The following SYNPO2 variants were observed in gnomAD, a reference collection of about 807,000 sequenced individuals.
SYNPO2 encodes synaptopodin-2.
SYNPO2 carries 56 observed loss-of-function variants against 85.0 expected under a neutral mutation model. The observed-to-expected ratio is 0.66, with a 90% CI of 0.53 to 0.82. The LOEUF (loss-of-function observed/expected upper bound fraction) is 0.82. SYNPO2 is among the 40% of genes least tolerant of loss of function. The pLI is 0.00. For missense variants in SYNPO2, 1,575 were observed against 1,534.2 expected (o/e 1.03, Z -0.44); for synonymous variants, 602 against 591.1 (o/e 1.02, Z -0.27).
chr4:119,053,416 G>A (rs543930686), intron 4 of SYNPO2, among the ~76,000 whole-genome samples: 10 of 152,186 alleles, frequency 6.6e-5, no homozygotes, highest in Non-Finnish European at 1.5e-4. Context: ...TTGAAAGAAT[G>A]TGAAGGCATG....
intron 1 of SYNPO2, among the ~76,000 whole-genome samples, chr4:118,870,151 T>G (rs1048928650): frequency 6.6e-6 from 1 of 152,218 alleles, no homozygotes; most frequent in Non-Finnish European, 1.5e-5. Context: ...CTCTGCCTGC[T>G]CAGTGCCTGT....
At chr4:119,022,719 A>G (rs1384947059) in intron 1 of SYNPO2, among the ~76,000 whole-genome samples, 1 of 97,738 alleles carries the variant, frequency 1.0e-5, no homozygotes, top group African/African-American at 3.4e-5. Flanking sequence ...ATTTTATTTT[A>G]TTTTAATTTT....
chr4:118,984,043 C>T (rs565025652), intron 1 of SYNPO2, among the ~76,000 whole-genome samples: 3 of 152,298 alleles, frequency 2.0e-5, no homozygotes, highest in South Asian at 2.1e-4. Flanking sequence ...CTTCTACATG[C>T]GTTGAGAGTA....
chr4:118,968,640 A>G (rs1735405669), intron 1 of SYNPO2, among the ~76,000 whole-genome samples: 1 of 152,202 alleles, frequency 6.6e-6, no homozygotes. Context: ...GGGTTTGCAG[A>G]GGTTAAAAGA....
intron 1 of SYNPO2, among the ~76,000 whole-genome samples, chr4:118,900,756 T>TATCTATC (rs1578532381): frequency 1.4e-5 from 2 of 143,510 alleles, no homozygotes; most frequent in Non-Finnish European, 3.0e-5. Flanking sequence ...TCTATCTATC[T>TATCTATC]ATCTATCTAT....
At chr4:118,944,670 A>G (rs998667459) in intron 1 of SYNPO2, among the ~76,000 whole-genome samples, 3 of 152,218 alleles carry the variant, frequency 2.0e-5, no homozygotes, top group Non-Finnish European at 4.4e-5. Flanking sequence ...TAAAACTTTA[A>G]TCCATCATGC....
chr4:118,983,054 T>TG (rs1736090003), intron 1 of SYNPO2, among the ~76,000 whole-genome samples: 3 of 141,086 alleles, frequency 2.1e-5, no homozygotes, highest in Non-Finnish European at 3.1e-5. Flanking sequence ...TTGCTTTCTG[T>TG]ATTTTTTTGC....
At chr4:119,025,529 G>A (rs1737901490) in intron 2 of SYNPO2, among the ~76,000 whole-genome samples, 1 of 152,158 alleles carries the variant, frequency 6.6e-6, no homozygotes, top group Non-Finnish European at 1.5e-5. Context: ...AAAGGTAGGA[G>A]TAAGTATTTT....
intron 1 of SYNPO2, among the ~76,000 whole-genome samples, chr4:118,873,209 A>G (rs1192206458): frequency 6.6e-6 from 1 of 152,194 alleles, no homozygotes; most frequent in Non-Finnish European, 1.5e-5. Context: ...CTTTGGGCAG[A>G]TAGTAGTGAG....
intron 1 of SYNPO2, among the ~76,000 whole-genome samples, chr4:118,860,563 T>G (rs754983856): frequency 5.3e-4 from 6 of 11,248 alleles, no homozygotes; most frequent in Non-Finnish European, 8.2e-4. Context: ...TTTTTTTTTG[T>G]TTTTTTTTTT....
intron 1 of SYNPO2, among the ~76,000 whole-genome samples, chr4:119,007,817 GAAC>G (rs752597038): frequency 3.9e-5 from 6 of 151,960 alleles, no homozygotes; most frequent in African/African-American, 1.5e-4. Flanking sequence ...ACTTATATGT[GAAC>G]AACATCATCT....
upstream of SYNPO2, among the ~76,000 whole-genome samples, chr4:118,888,123 T>C (rs1732239552): frequency 6.6e-6 from 1 of 152,100 alleles, no homozygotes; most frequent in Non-Finnish European, 1.5e-5. Context: ...TTTTATGCAG[T>C]TGACTAACTG....
intron 1 of SYNPO2, among the ~76,000 whole-genome samples, chr4:118,997,417 A>G (rs1736648959): frequency 6.6e-6 from 1 of 152,088 alleles, no homozygotes; most frequent in Admixed American, 6.5e-5. Flanking sequence ...ATATCTAGGG[A>G]TACTATACTC....
At chr4:119,052,623 G>T (rs1185328120) in intron 4 of SYNPO2, among the ~76,000 whole-genome samples, 1 of 152,192 alleles carries the variant, frequency 6.6e-6, no homozygotes, top group Admixed American at 6.5e-5. Context: ...GAAGTAGAGT[G>T]AAGAAGTCAA....
intron 1 of SYNPO2, among the ~76,000 whole-genome samples, chr4:119,009,529 T>C (rs192480840): frequency 2.4e-3 from 359 of 152,104 alleles, no homozygotes; most frequent in Non-Finnish European, 4.1e-3. Context: ...CACACACACA[T>C]ACACACACAC....
At chr4:118,977,503 C>A (rs1218671229) in intron 1 of SYNPO2, among the ~76,000 whole-genome samples, 2 of 152,228 alleles carry the variant, frequency 1.3e-5, no homozygotes, top group African/African-American at 4.8e-5. Context: ...TCCCACAGTG[C>A]AGGGGACTGA....
Position 119,027,076 on chromosome 4 carries a change from A to G in SYNPO2, c.707A>G (p.Asp236Gly). 5.0e-6 allele frequency: 8 copies of G among 1,614,160 alleles called. No individual in the cohort carries two copies. Among genetic ancestry groups the G allele is most frequent in the Non-Finnish European group, 6.8e-6 (8 of 1,180,034 alleles). Residue 236 changes from aspartate to glycine, a missense_variant, in exon 3 of 5, where the codon GAC (aspartate) becomes GGC (glycine). Physicochemically the swap from Asp to Gly is moderately conservative, Grantham distance 94. Transcript: ENST00000307142. ...GACCCAGACCCTAACTTGTCACATG[A>G]CAGGATTGTCCACATAAATTCGATC... is the stretch of plus-strand genomic sequence containing the variant. ...SPDPDPNLSHDRIVHINSIPT... is the reference protein window; with the variant it reads ...SPDPDPNLSHGRIVHINSIPT...
At chr4:118,882,484 T>A (rs1732123259) in intron 1 of SYNPO2, among the ~76,000 whole-genome samples, 1 of 152,204 alleles carries the variant, frequency 6.6e-6, no homozygotes, top group Non-Finnish European at 1.5e-5. Flanking sequence ...AGACATTGAG[T>A]CAACATTGTC....
intron 1 of SYNPO2, among the ~76,000 whole-genome samples, chr4:118,923,006 T>A (rs1733589801): frequency 6.6e-6 from 1 of 152,186 alleles, no homozygotes; most frequent in Admixed American, 6.6e-5. Flanking sequence ...AATAAGATAA[T>A]GAATTCCATG....
Sources: gnomAD v4.1 joint callset for allele counts (sites outside exome capture counted in the v4.1 genomes callset) on GRCh38, gnomAD v4.1.1 for gene constraint, MANE v1.5 for transcripts, NCBI Gene and HGNC (gene_info 2026-07-23, HGNC 2026-07-21) for gene names.